The following FRMPD2 variants were observed in gnomAD, a reference collection of about 807,000 sequenced individuals.
FRMPD2 encodes the protein FERM and PDZ domain containing 2, also known as FERM and PDZ domain-containing protein 2.
Under a neutral mutation model 140.1 loss-of-function variants are expected in FRMPD2, and 96 were observed. That is an observed-to-expected ratio of 0.69 (90% CI 0.58 to 0.81). The LOEUF is 0.81. Ranked by LOEUF, FRMPD2 falls within the 40% of genes least tolerant of loss-of-function variation. The pLI is 0.00. For synonymous variants in FRMPD2, 449 were observed against 547.6 expected (o/e 0.82, Z 2.52); for missense variants, 1,240 against 1,447.4 (o/e 0.86, Z 2.32).
chr10:48,237,355 A>T (rs1447617616), intron 8 of FRMPD2, among the ~76,000 whole-genome samples: 1 of 152,148 alleles, frequency 6.6e-6, no homozygotes, highest in African/African-American at 2.4e-5. Flanking sequence ...GCCTCTCAGA[A>T]GCCCTCTTCA....
intron 28 of FRMPD2, among the ~76,000 whole-genome samples, chr10:48,161,584 A>G (rs1837942772): frequency 6.6e-6 from 1 of 151,474 alleles, no homozygotes; most frequent in Non-Finnish European, 1.5e-5. Context: ...TGCTGGCCCC[A>G]TAAGAACAGC....
At chr10:48,180,655 G>A (rs1211927389) in intron 21 of FRMPD2, 148 bp downstream of exon 21, 1 of 725,094 alleles carries the variant, frequency 1.4e-6, no homozygotes, top group African/African-American at 1.8e-5. Flanking sequence ...GTATGCAAAT[G>A]AGGAAGCTGT....
chr10:48,230,964 A>G (rs897257829), intron 10 of FRMPD2, among the ~76,000 whole-genome samples: 2 of 152,056 alleles, frequency 1.3e-5, no homozygotes, highest in African/African-American at 4.8e-5. Context: ...AAACAGAACA[A>G]TGAACTCCAG....
chr10:48,203,173 A>G (rs551958280), intron 14 of FRMPD2, among the ~76,000 whole-genome samples: 25 of 152,292 alleles, frequency 1.6e-4, no homozygotes, highest in African/African-American at 5.5e-4. Context: ...ACACCCACAT[A>G]CAAACAAACA....
chr10:48,170,667 G>A (rs1838218467), intron 26 of FRMPD2, among the ~76,000 whole-genome samples: 1 of 150,156 alleles, frequency 6.7e-6, no homozygotes, highest in African/African-American at 2.4e-5. Context: ...GAGCAGAAAG[G>A]GACCCACTCT....
At chr10:48,260,806 C>T (rs1188150594) in intron 1 of FRMPD2, among the ~76,000 whole-genome samples, 1 of 152,032 alleles carries the variant, frequency 6.6e-6, no homozygotes, top group Non-Finnish European at 1.5e-5. Context: ...GTGAAAGAAC[C>T]AGACTCTGAT....
chr10:48,238,115 G>A lies in FRMPD2; in HGVS notation c.797C>T (p.Pro266Leu). 6.2e-7 allele frequency: 1 copy of A among 1,610,828 alleles called. No individual in the cohort carries two copies. The highest frequency in any genetic ancestry group is 8.5e-7 in the Non-Finnish European group (1 of 1,179,994). The change falls in exon 8 of 29, where the codon CCA becomes CTA. Residue 266 changes from proline to leucine, a missense_variant. By Grantham distance (98) the Pro-to-Leu change is moderately conservative. Coordinates refer to ENST00000374201, the MANE Select transcript of FRMPD2 (RefSeq NM_001018071.4). ...CTGCTGGTCCTGGGGATCTGCTCCT[G>A]GAAGAGCGCTGGCCAGGGGTTGAGA... is the stretch of plus-strand genomic sequence containing the variant. The part of the protein sequence containing the change: ...HCSLLVNRAL[P>L]GADPQDQQAG...
chr10:48,210,680 A>C (rs1248085006), intron 13 of FRMPD2, among the ~76,000 whole-genome samples: 1 of 152,194 alleles, frequency 6.6e-6, no homozygotes, highest in African/African-American at 2.4e-5. Flanking sequence ...CGGACTATGG[A>C]GTGCCCTGAT....
At chr10:48,176,598 T>C (rs1838415251) in intron 22 of FRMPD2, among the ~76,000 whole-genome samples, 1 of 151,962 alleles carries the variant, frequency 6.6e-6, no homozygotes, top group Admixed American at 6.6e-5. Context: ...TTTTTGAAAT[T>C]AAATATCTGC....
intron 1 of FRMPD2, among the ~76,000 whole-genome samples, chr10:48,272,826 T>A (rs191220107): frequency 1.8e-4 from 27 of 152,368 alleles, no homozygotes; most frequent in Non-Finnish European, 5.9e-5. Flanking sequence ...CAGTCACTCA[T>A]GTCATTGACA....
In FRMPD2 at chr10:48,192,681, C is replaced by T; in HGVS notation, c.2165+3G>A. On this transcript the variant is annotated splice_donor_region_variant and intron_variant, in intron 16 of 28. Transcript: ENST00000374201. The stretch of plus-strand genomic sequence containing the variant: ...GCCCAGAGAACAAATGTGTCACACC[C>T]ACCTGCGCCCGATGCCTTCTGCTCC... The T allele has an allele frequency of 6.2e-7, 1 of 1,613,462 alleles. No homozygotes were observed. The highest frequency in any genetic ancestry group is 2.2e-5 in the East Asian group (1 of 44,868).
intron 10 of FRMPD2, among the ~76,000 whole-genome samples, chr10:48,226,637 G>C (rs1839728716): frequency 2.0e-5 from 3 of 152,182 alleles, no homozygotes; most frequent in African/African-American, 7.2e-5. Context: ...GGAAGGAAAG[G>C]CAACATCCTT....
intron 14 of FRMPD2, among the ~76,000 whole-genome samples, chr10:48,205,442 A>C (rs1839180636): frequency 6.6e-6 from 1 of 152,264 alleles, no homozygotes; most frequent in Non-Finnish European, 1.5e-5. Context: ...AGCTTCAAAA[A>C]AATCCATTTT....
intron 28 of FRMPD2, chr10:48,159,066 C>A: frequency 2.5e-6 from 1 of 399,510 alleles, no homozygotes; most frequent in Non-Finnish European, 4.8e-6. Context: ...GTCCTATTTA[C>A]TTACGGTTAA....
chr10:48,233,543 A>G (rs899233477), intron 9 of FRMPD2, among the ~76,000 whole-genome samples: 2 of 152,298 alleles, frequency 1.3e-5, no homozygotes, highest in African/African-American at 2.4e-5. Context: ...CCAGGCCCTC[A>G]GTGATGAATC....
chr10:48,238,440 G>A (rs1034858329), intron 7 of FRMPD2, among the ~76,000 whole-genome samples: 11 of 152,194 alleles, frequency 7.2e-5, no homozygotes, highest in African/African-American at 2.7e-4. Flanking sequence ...CAGGTCATGG[G>A]ACTGCAGCAG....
In FRMPD2 at chr10:48,206,779, T is replaced by C; in HGVS notation, c.1766A>G (p.Gln589Arg). 6.2e-7 allele frequency: 1 copy of C among 1,614,032 alleles called. No individual in the cohort carries two copies. Among genetic ancestry groups the C allele is most frequent in the Non-Finnish European group, 8.5e-7 (1 of 1,179,874 alleles). Reference sequence around the variant, plus strand: ...AGAAATCTTCCCGGTTTCTCTCCACTGAAACCGTAACATTGCAATTCTGCT... The same window carrying C: ...AGAAATCTTCCCGGTTTCTCTCCACCGAAACCGTAACATTGCAATTCTGCT... ...NNSRIAMLRF[Q>R]WRETGKISTY... The change falls in exon 14 of 29, where the codon CAG (glutamine) becomes CGG (arginine). Residue 589 changes from glutamine (Q) to arginine (R), a missense_variant. Gln to Arg is a conservative substitution (Grantham distance 43). This residue lies in a region of FRMPD2 where 1,161 missense variants were observed against 1,055.9 expected (regional missense o/e 1.10). Coordinates refer to ENST00000374201, the MANE Select transcript of FRMPD2 (RefSeq NM_001018071.4).
At chr10:48,260,441 C>A (rs1033078448) in intron 1 of FRMPD2, among the ~76,000 whole-genome samples, 5 of 152,112 alleles carry the variant, frequency 3.3e-5, no homozygotes, top group African/African-American at 1.2e-4. Flanking sequence ...TGAGTGTCTC[C>A]TTCCTGTGTC....
Position 48,192,886 on chromosome 10 carries a change from T to C in FRMPD2, c.1963A>G (p.Lys655Glu), listed in dbSNP as rs1433459174. Residue 655 changes from lysine (K) to glutamate (E), a missense_variant, in exon 16 of 29, where the codon AAG (lysine) becomes GAG (glutamate). Physicochemically the swap from Lys to Glu is moderately conservative, Grantham distance 56 (BLOSUM62 1). Around this residue, in one of 6 missense-constraint regions of FRMPD2, gnomAD observed 1,161 missense variants for 1,055.9 expected, o/e 1.10. Transcript: ENST00000374201. ...CTCAAATTGGCCATTTGCACAAACT[T>C]ATCATGGTCTGAATTTGGGGAGAAA... ...QPSHVLFDHD[K>E]FVQMANLSPA... 2 of 1,612,852 alleles carry C rather than the reference T, an allele frequency of 1.2e-6. No individual in the cohort carries two copies. The highest frequency in any genetic ancestry group is 1.1e-5 in the South Asian group (1 of 91,058).
Sources: gnomAD v4.1 joint callset for allele counts (sites outside exome capture counted in the v4.1 genomes callset) on GRCh38, gnomAD v4.1.1 for gene constraint, gnomAD v4.1.1 regional missense constraint, MANE v1.5 for transcripts, NCBI Gene and HGNC (gene_info 2026-07-23, HGNC 2026-07-21) for gene names.